The following SAMD3 variants were observed in gnomAD, a reference collection of about 807,000 sequenced individuals.
The protein encoded by SAMD3 is sterile alpha motif domain-containing protein 3.
A neutral mutation model predicts 58.5 loss-of-function variants in SAMD3; 63 were observed. The observed-to-expected ratio is 1.08, with a 90% CI of 0.88 to 1.33. The LOEUF (loss-of-function observed/expected upper bound fraction) is 1.33. Among genes scored for constraint, SAMD3 ranks in the 40% most tolerant of loss-of-function variants. The pLI is 0.00. For synonymous variants in SAMD3, 220 were observed against 210.3 expected, an observed-to-expected ratio of 1.05 and a Z score of -0.40; for missense variants, 604 against 608.4, an observed-to-expected ratio of 0.99 and a Z score of 0.08.
At chr6:130,365,427 CGGCCA>C, upstream of SAMD3, 1 of 985,478 alleles carries the variant, frequency 1.0e-6, no homozygotes, top group South Asian at 4.7e-5. Context: ...GCGTCTTTTC[CGGCCA>C]GGTTTGGTTT....
chr6:130,286,484 C>T (rs1026600450), intron 2 of SAMD3, among the ~76,000 whole-genome samples: 14 of 151,382 alleles, frequency 9.2e-5, no homozygotes, highest in South Asian at 2.1e-4. Flanking sequence ...TTATTGCCTC[C>T]GTTCCTTCAT....
intron 2 of SAMD3, among the ~76,000 whole-genome samples, chr6:130,285,557 C>T (rs1384135599): frequency 1.3e-5 from 2 of 152,076 alleles, no homozygotes; most frequent in East Asian, 1.9e-4. Context: ...GGATAAAAAG[C>T]CAATATGCTA....
chr6:130,350,120 G>A (rs1426466882), intron 1 of SAMD3, among the ~76,000 whole-genome samples: 1 of 152,112 alleles, frequency 6.6e-6, no homozygotes, highest in Non-Finnish European at 1.5e-5. Flanking sequence ...ATATCATACT[G>A]AATGGACAAA....
intron 8 of SAMD3, chr6:130,160,407 T>C (rs982763173): frequency 1.3e-5 from 2 of 152,206 alleles, no homozygotes; most frequent in African/African-American, 2.4e-5. Context: ...TATCATTTTG[T>C]AAACCTTAAA....
At chr6:130,279,132 A>G (rs1774891194) in intron 2 of SAMD3, among the ~76,000 whole-genome samples, 1 of 152,206 alleles carries the variant, frequency 6.6e-6, no homozygotes, top group Non-Finnish European at 1.5e-5. Flanking sequence ...ATCTAATAGT[A>G]TTATTATAAG....
chr6:130,306,865 C>T (rs896960267), intron 2 of SAMD3, among the ~76,000 whole-genome samples: 1 of 152,126 alleles, frequency 6.6e-6, no homozygotes, highest in Non-Finnish European at 1.5e-5. Context: ...AACTGATAAA[C>T]CATCTCATCC....
intron 1 of SAMD3, among the ~76,000 whole-genome samples, chr6:130,326,223 A>G (rs1392545241): frequency 4.6e-5 from 7 of 152,076 alleles, no homozygotes; most frequent in Non-Finnish European, 7.4e-5. Context: ...ACCTGCCTTA[A>G]TTCTAGCCTC....
At chr6:130,341,286 T>C (rs1562530765) in intron 1 of SAMD3, among the ~76,000 whole-genome samples, 1 of 152,206 alleles carries the variant, frequency 6.6e-6, no homozygotes, top group Non-Finnish European at 1.5e-5. Context: ...GACTACCCCA[T>C]GTACAATGCA....
In SAMD3 at chr6:130,298,285, G is replaced by A. The variant is rs1232576181; in HGVS notation, c.-188+14693C>T. On this transcript the variant is annotated intron_variant, in intron 2 of 13. Transcript: ENST00000368134. ...AAGAATTTCATATCCTGCCAAACAA[G>A]CTTCATAAACGAAGGAGAAGTAAAG... Among the ~76,000 whole-genome samples the A allele has an allele frequency of 2.9e-4, 44 of 152,092 alleles. 1 individual carries two copies. Among genetic ancestry groups the A allele is most frequent in the Admixed American group, 2.9e-3 (44 of 15,280 alleles).
At chr6:130,310,289 A>T (rs571368195) in intron 2 of SAMD3, among the ~76,000 whole-genome samples, 2 of 152,322 alleles carry the variant, frequency 1.3e-5, no homozygotes, top group East Asian at 3.9e-4. Flanking sequence ...CCTATACTGC[A>T]TTGCCTTTTG....
intron 5 of SAMD3, 88 bp downstream of exon 5, chr6:130,209,407 A>C (rs1795345917): frequency 3.3e-6 from 2 of 609,932 alleles, no homozygotes; most frequent in Non-Finnish European, 5.5e-6. Context: ...TCAAATTAGA[A>C]ATACATCTAA....
At chr6:130,356,311 G>C (rs1777824657) in intron 1 of SAMD3, among the ~76,000 whole-genome samples, 1 of 152,152 alleles carries the variant, frequency 6.6e-6, no homozygotes, top group Non-Finnish European at 1.5e-5. Flanking sequence ...CAGAGTTTCT[G>C]CATTTGCCTT....
chr6:130,174,252 G>A (rs913038116), intron 8 of SAMD3, among the ~76,000 whole-genome samples: 1 of 152,188 alleles, frequency 6.6e-6, no homozygotes, highest in Admixed American at 6.5e-5. Context: ...CTAGCTCAGT[G>A]TCTGCCCAAA....
intron 7 of SAMD3, chr6:130,183,607 C>T (rs189601080): frequency 1.2e-4 from 40 of 329,200 alleles, no homozygotes; most frequent in Admixed American, 4.4e-5. Flanking sequence ...GACTCTAAAG[C>T]GAACAGCTCA....
At chr6:130,332,656 G>A (rs763968776) in intron 1 of SAMD3, among the ~76,000 whole-genome samples, 1 of 152,204 alleles carries the variant, frequency 6.6e-6, no homozygotes, top group Non-Finnish European at 1.5e-5. Flanking sequence ...TGGTTTGAGT[G>A]GAGATATGCA....
chr6:130,265,239 G>A (rs1337410123), intron 2 of SAMD3, among the ~76,000 whole-genome samples: 2 of 152,134 alleles, frequency 1.3e-5, no homozygotes, highest in African/African-American at 2.4e-5. Flanking sequence ...AGAGGTATTG[G>A]ACTCAGTTTA....
At chr6:130,337,740 T>C (rs960657316) in intron 1 of SAMD3, among the ~76,000 whole-genome samples, 1 of 152,196 alleles carries the variant, frequency 6.6e-6, no homozygotes, top group Non-Finnish European at 1.5e-5. Context: ...AGGTTACTCT[T>C]GCTGTGCTTT....
chr6:130,183,984 G>A (rs1248238061), intron 7 of SAMD3, 119 bp downstream of exon 7: 14 of 320,532 alleles, frequency 4.4e-5, no homozygotes, highest in Non-Finnish European at 7.6e-5. Flanking sequence ...TAGACAGAAT[G>A]AGAGAGAGAG....
upstream of SAMD3, among the ~76,000 whole-genome samples, chr6:130,225,797 G>A (rs1796369288): frequency 6.6e-6 from 1 of 152,112 alleles, no homozygotes; most frequent in African/African-American, 2.4e-5. Flanking sequence ...CTATAACCAG[G>A]CCAAAAACTA....
Sources: allele counts gnomAD v4.1 joint callset (sites outside exome capture counted in the v4.1 genomes callset), GRCh38; gene constraint gnomAD v4.1.1; transcripts MANE v1.5; gene names NCBI Gene and HGNC (gene_info 2026-07-23, HGNC 2026-07-21).